SUMF1: variants seen among roughly 807,000 people sequenced by gnomAD.
SUMF1 encodes the protein formylglycine-generating enzyme.
In SUMF1, 48 loss-of-function variants were observed where a neutral mutation model predicts 47.6. The ratio of observed to expected loss-of-function variants is 1.01; its 90% CI spans 0.80 to 1.28. The LOEUF (loss-of-function observed/expected upper bound fraction) is 1.28, where lower values mean the gene tolerates loss of function less well. Ranked by LOEUF, SUMF1 falls within the 50% of genes most tolerant of loss-of-function variation. The pLI is 0.00. For missense variants in SUMF1, 571 were observed against 485.4 expected (o/e 1.18, Z -1.66); for synonymous variants, 230 against 192.1 (o/e 1.20, Z -1.63).
intron 8 of SUMF1, among the ~76,000 whole-genome samples, chr3:4,076,628 G>T (rs147201563): frequency 1.1e-4 from 17 of 151,986 alleles, no homozygotes; most frequent in Non-Finnish European, 2.4e-4. Context: ...AATCTACAAA[G>T]AACTTAAACA....
At position 4,102,301 on chromosome 3, in the gene SUMF1, TAGA is replaced by T. The variant is rs1415596272; in HGVS notation, c.1015-33559_1015-33557del. ...AGCATTTGTACAAAAAGTTTAATAT[TAGA>T]AGATGTTTTCTCTGGAAAGCTGTGA... On this transcript the variant is annotated intron_variant and NMD_transcript_variant, in intron 8 of 12. Transcript: ENST00000448413. Among the ~76,000 whole-genome samples the T allele has an allele frequency of 7.2e-5, 11 of 152,268 alleles. No homozygotes were observed. In the East Asian group the frequency reaches 1.5e-3, roughly 21 times the overall value.
intron 8 of SUMF1, among the ~76,000 whole-genome samples, chr3:4,186,196 G>A (rs986579026): frequency 6.6e-6 from 1 of 152,144 alleles, no homozygotes; most frequent in Non-Finnish European, 1.5e-5. Flanking sequence ...AGAGGCTCAT[G>A]CTAATGGGCA....
chr3:4,402,263 A>ATT (rs1701236296), intron 7 of SUMF1, among the ~76,000 whole-genome samples: 1 of 152,106 alleles, frequency 6.6e-6, no homozygotes, highest in African/African-American at 2.4e-5. Flanking sequence ...TCATCTTTGG[A>ATT]TCCCATGGAC....
intron 8 of SUMF1, among the ~76,000 whole-genome samples, chr3:4,247,012 G>A (rs1575016056): frequency 1.3e-5 from 2 of 152,090 alleles, no homozygotes; most frequent in East Asian, 3.9e-4. Flanking sequence ...TGTACAACTG[G>A]TTTCAAGGCA....
intron 9 of SUMF1, among the ~76,000 whole-genome samples, chr3:4,054,574 C>T (rs549915885): frequency 3.3e-5 from 5 of 152,172 alleles, no homozygotes; most frequent in Middle Eastern, 3.4e-3. Context: ...GATATCTTTA[C>T]CCACTACCCT....
At chr3:4,112,266 C>T (rs1574894033) in intron 8 of SUMF1, among the ~76,000 whole-genome samples, 2 of 152,038 alleles carry the variant, frequency 1.3e-5, no homozygotes, top group Non-Finnish European at 2.9e-5. Context: ...GTGGATGGAA[C>T]AAAACATTTC....
chr3:4,360,790 G>C (rs1159018331), downstream of SUMF1, among the ~76,000 whole-genome samples: 1 of 152,206 alleles, frequency 6.6e-6, no homozygotes, highest in African/African-American at 2.4e-5. Context: ...CAGGACTGAG[G>C]AATCAGGATG....
At chr3:4,350,378 TG>T (rs1360607083) in intron 8 of SUMF1, among the ~76,000 whole-genome samples, 17 of 151,402 alleles carry the variant, frequency 1.1e-4, no homozygotes, top group African/African-American at 4.1e-4. Flanking sequence ...TATAATTGTG[TG>T]TGTATAATTG....
intron 8 of SUMF1, among the ~76,000 whole-genome samples, chr3:4,183,279 T>C (rs1269464873): frequency 6.6e-6 from 1 of 152,158 alleles, no homozygotes; most frequent in Non-Finnish European, 1.5e-5. Context: ...AAACAAAAAA[T>C]AGTTAAAACA....
At chr3:4,212,442 T>A (rs1255655532) in intron 8 of SUMF1, among the ~76,000 whole-genome samples, 10 of 151,972 alleles carry the variant, frequency 6.6e-5, no homozygotes, top group Admixed American at 5.2e-4. Context: ...TAGATAAATC[T>A]ACAAAAATGG....
intron 8 of SUMF1, among the ~76,000 whole-genome samples, chr3:4,188,954 C>T (rs1695258851): frequency 6.6e-6 from 1 of 152,116 alleles, no homozygotes; most frequent in Non-Finnish European, 1.5e-5. Flanking sequence ...TTAGCTTTAA[C>T]TGTATAAGAT....
At chr3:4,136,475 A>G (rs1398232954) in intron 8 of SUMF1, among the ~76,000 whole-genome samples, 1 of 152,052 alleles carries the variant, frequency 6.6e-6, no homozygotes, top group Non-Finnish European at 1.5e-5. Flanking sequence ...TTAATTCAAG[A>G]TGGATTAAAG....
intron 9 of SUMF1, among the ~76,000 whole-genome samples, chr3:4,042,066 T>C (rs942679223): frequency 6.6e-6 from 1 of 152,162 alleles, no homozygotes; most frequent in African/African-American, 2.4e-5. Flanking sequence ...AGTCAACAGA[T>C]CTCTTAACCT....
intron 8 of SUMF1, among the ~76,000 whole-genome samples, chr3:4,200,144 T>C (rs990283457): frequency 6.6e-6 from 1 of 152,012 alleles, no homozygotes; most frequent in Non-Finnish European, 1.5e-5. Flanking sequence ...TTGAGTCGTA[T>C]TTTGCATATG....
At chr3:4,101,394 G>T (rs1382599538) in intron 8 of SUMF1, among the ~76,000 whole-genome samples, 1 of 152,042 alleles carries the variant, frequency 6.6e-6, no homozygotes, top group Admixed American at 6.6e-5. Context: ...AATAAGTCAG[G>T]CACAGAGACA....
chr3:4,110,216 G>A (rs1419642208), intron 8 of SUMF1, among the ~76,000 whole-genome samples: 6 of 152,112 alleles, frequency 3.9e-5, no homozygotes, highest in Admixed American at 3.9e-4. Flanking sequence ...CTGGGTATCA[G>A]CAGCGGAGGC....
At chr3:4,208,695 A>C (rs544695245) in intron 8 of SUMF1, among the ~76,000 whole-genome samples, 7 of 152,258 alleles carry the variant, frequency 4.6e-5, no homozygotes, top group African/African-American at 1.7e-4. Flanking sequence ...AACGTCTTTA[A>C]TGGGCTCATT....
chr3:4,035,572 A>G (rs952947596), intron 9 of SUMF1, among the ~76,000 whole-genome samples: 1 of 152,204 alleles, frequency 6.6e-6, no homozygotes, highest in African/African-American at 2.4e-5. Context: ...ATATTCACAG[A>G]AGATTAGGAC....
chr3:4,271,483 AT>A (rs1258518061), intron 8 of SUMF1, among the ~76,000 whole-genome samples: 2 of 148,504 alleles, frequency 1.3e-5, no homozygotes, highest in Non-Finnish European at 3.0e-5. Flanking sequence ...AGATAGATAG[AT>A]AGATAGATAG....
Sources: allele counts gnomAD v4.1 joint callset (sites outside exome capture counted in the v4.1 genomes callset), GRCh38; gene constraint gnomAD v4.1.1; transcripts MANE v1.5; gene names NCBI Gene and HGNC (gene_info 2026-07-23, HGNC 2026-07-21).